The following LCOR variants were observed in gnomAD, a reference collection of about 807,000 sequenced individuals.
The protein encoded by LCOR is ligand dependent nuclear receptor corepressor.
In LCOR, 14 loss-of-function variants were observed where a neutral mutation model predicts 64.4. That is an observed-to-expected ratio of 0.22 (90% CI 0.14 to 0.34). The LOEUF (loss-of-function observed/expected upper bound fraction) is 0.34. Among genes scored for constraint, LCOR ranks in the 10% least tolerant of loss-of-function variants. The pLI is 1.00. For missense variants in LCOR, 1,686 were observed against 1,765.3 expected, an observed-to-expected ratio of 0.96 and a Z score of 0.80; for synonymous variants, 643 against 642.5, an observed-to-expected ratio of 1.00 and a Z score of -0.01.
chr10:96,892,676 A>G (rs542398360), intron 2 of LCOR, among the ~76,000 whole-genome samples: 1 of 152,236 alleles, frequency 6.6e-6, no homozygotes, highest in Admixed American at 6.5e-5. Flanking sequence ...GGATTTCAAC[A>G]TATGAATTTT....
intron 4 of LCOR, among the ~76,000 whole-genome samples, chr10:96,912,642 T>TCCTTCCTTC (rs1846863362): frequency 1.3e-5 from 2 of 151,364 alleles, no homozygotes; most frequent in Admixed American, 1.3e-4. Flanking sequence ...CTTCCTTCCT[T>TCCTTCCTTC]CCTTTCCTTC....
intron 2 of LCOR, among the ~76,000 whole-genome samples, chr10:96,900,063 G>A (rs10882855): frequency 0.057 from 8,637 of 152,114 alleles, 563 homozygotes; most frequent in East Asian, 0.28. Context: ...GAAATGTGTT[G>A]CCCATTTGCA....
chr10:96,923,940 A>G (rs865815777), intron 4 of LCOR, among the ~76,000 whole-genome samples: 4 of 152,104 alleles, frequency 2.6e-5, no homozygotes, highest in Admixed American at 1.3e-4. Flanking sequence ...AACCTAAAAT[A>G]TTTACTCTCC....
intron 2 of LCOR, among the ~76,000 whole-genome samples, chr10:96,888,247 C>T (rs1846377654): frequency 6.7e-6 from 1 of 150,256 alleles, no homozygotes; most frequent in African/African-American, 2.4e-5. Context: ...CGCCTGTAAT[C>T]CCAGCTACTC....
At chr10:96,911,093 C>CTTTTTTT (rs71007308) in intron 4 of LCOR, among the ~76,000 whole-genome samples, 4 of 114,172 alleles carry the variant, frequency 3.5e-5, no homozygotes, top group African/African-American at 7.3e-5. Context: ...TACATGTTCC[C>CTTTTTTT]TTTTTTTTTT....
intron 6 of LCOR, among the ~76,000 whole-genome samples, chr10:96,949,980 T>C (rs1327386619): frequency 6.6e-6 from 1 of 152,198 alleles, no homozygotes; most frequent in African/African-American, 2.4e-5. Flanking sequence ...GTCTCTGAAG[T>C]TTATTTTCTT....
At chr10:96,966,194 T>C (rs767958713) in intron 7 of LCOR, among the ~76,000 whole-genome samples, 6 of 146,782 alleles carry the variant, frequency 4.1e-5, no homozygotes, top group Admixed American at 1.4e-4. Flanking sequence ...ATATCCTGAG[T>C]TGGGGATTTT....
In LCOR at chr10:96,982,925, C is replaced by T. The variant is rs1036261253; in HGVS notation, c.2465C>T (p.Ser822Leu). ...GATAGGTGCCTAAGAAGTCAACTTTCGGATTCTTCCTCTGCTGACAGATGC... is the reference window on the plus strand; with the variant it reads ...GATAGGTGCCTAAGAAGTCAACTTTTGGATTCTTCCTCTGCTGACAGATGC... Reference protein sequence around the residue: ...ASDRCLRSQLSDSSSADRCLR... With the variant: ...ASDRCLRSQLLDSSSADRCLR... Residue 822 changes from serine to leucine, a missense_variant, in exon 8 of 8, where the codon TCG (serine) becomes TTG (leucine). This residue lies in a region of LCOR where 1,293 missense variants were observed against 1,410.4 expected (regional missense o/e 0.92). Transcript: ENST00000421806. 29 of 1,613,476 alleles carry T rather than the reference C, an allele frequency of 1.8e-5. No homozygotes were observed. The East Asian group carries it at 2.7e-4, about 15-fold the overall frequency.
intron 2 of LCOR, among the ~76,000 whole-genome samples, chr10:96,891,528 C>CTTTT: frequency 8.2e-5 from 1 of 12,244 alleles, no homozygotes. Context: ...TCTGTCTTGA[C>CTTTT]TCTTTTTTTT....
chr10:96,943,626 C>T (rs1847536484), intron 4 of LCOR, among the ~76,000 whole-genome samples: 2 of 151,942 alleles, frequency 1.3e-5, no homozygotes, highest in South Asian at 4.1e-4. Flanking sequence ...CTGAGTTTTT[C>T]TTCCTAATGG....
At chr10:96,882,902 A>G (rs1477359180) in intron 2 of LCOR, among the ~76,000 whole-genome samples, 1 of 152,032 alleles carries the variant, frequency 6.6e-6, no homozygotes, top group African/African-American at 2.4e-5. Context: ...ATGTCTCTTT[A>G]TGGCTTGATA....
At chr10:96,920,456 A>G (rs61858088) in intron 4 of LCOR, among the ~76,000 whole-genome samples, 3 of 139,850 alleles carry the variant, frequency 2.1e-5, no homozygotes, top group South Asian at 2.1e-4. Flanking sequence ...ATATATATGT[A>G]TATTCATATA....
At chr10:96,836,218 T>C (rs529099596) in intron 2 of LCOR, among the ~76,000 whole-genome samples, 4 of 152,346 alleles carry the variant, frequency 2.6e-5, no homozygotes, top group African/African-American at 4.8e-5. Flanking sequence ...TTTAGTCTTA[T>C]GGTGCTACAC....
chr10:96,916,256 C>G (rs1846941599), intron 4 of LCOR, among the ~76,000 whole-genome samples: 1 of 152,094 alleles, frequency 6.6e-6, no homozygotes, highest in African/African-American at 2.4e-5. Flanking sequence ...TGGTCTCAGT[C>G]TCCTGACCTC....
intron 7 of LCOR, chr10:96,955,576 C>G (rs889205142): frequency 1.2e-6 from 2 of 1,614,172 alleles, no homozygotes; most frequent in African/African-American, 1.3e-5. Flanking sequence ...GCTGAGCAGT[C>G]TACCTCTGGA....
Position 96,982,987 on chromosome 10 carries a change from C to G in LCOR, c.2527C>G (p.Leu843Val). ...GAGTTCAGATTCTTCCTCAGCTTGT[C>G]TTGAAATCAAAGTTCCTAAAAATCC... is the stretch of plus-strand genomic sequence containing the variant. ...NQSSDSSSAC[L>V]EIKVPKNPSA... The change falls in exon 8 of 8, where the codon CTT becomes GTT. Residue 843 changes from leucine (L) to valine (V), a missense_variant. Leu to Val is a conservative substitution (Grantham distance 32, BLOSUM62 1). Around this residue, in one of 3 missense-constraint regions of LCOR, gnomAD observed 1,293 missense variants for 1,410.4 expected, o/e 0.92. Coordinates refer to ENST00000421806, the MANE Select transcript of LCOR (RefSeq NM_001346516.2). The G allele has an allele frequency of 6.2e-7, 1 of 1,613,044 alleles. No homozygotes were observed. Among genetic ancestry groups the G allele is most frequent in the Non-Finnish European group, 8.5e-7 (1 of 1,179,736 alleles).
chr10:96,957,386 A>C (rs765477254), intron 7 of LCOR: 51 of 985,118 alleles, frequency 5.2e-5, no homozygotes, highest in Non-Finnish European at 6.1e-5. Flanking sequence ...TAATAAGGGA[A>C]GTTTATTTTC....
At chr10:96,852,867 TA>T (rs1343293425) in intron 2 of LCOR, among the ~76,000 whole-genome samples, 4 of 152,246 alleles carry the variant, frequency 2.6e-5, no homozygotes, top group Admixed American at 2.0e-4. Context: ...CATTTTGTTA[TA>T]ATGTGAGTAG....
intron 2 of LCOR, among the ~76,000 whole-genome samples, chr10:96,881,933 T>G (rs1846269833): frequency 6.6e-6 from 1 of 152,214 alleles, no homozygotes; most frequent in Admixed American, 6.5e-5. Flanking sequence ...TTGGATAACA[T>G]TGATTTATTT....
Sources: gnomAD v4.1 joint callset for allele counts (sites outside exome capture counted in the v4.1 genomes callset) on GRCh38, gnomAD v4.1.1 for gene constraint, gnomAD v4.1.1 regional missense constraint, MANE v1.5 for transcripts, NCBI Gene and HGNC (gene_info 2026-07-23, HGNC 2026-07-21) for gene names.